FHIT: variants seen among roughly 807,000 people sequenced by gnomAD.
FHIT encodes fragile histidine triad diadenosine triphosphatase, also known as bis(5'-adenosyl)-triphosphatase.
Under a neutral mutation model 17.9 loss-of-function variants are expected in FHIT, and 19 were observed. The observed-to-expected ratio is 1.06, with a 90% CI of 0.74 to 1.56. The LOEUF is 1.56. FHIT is among the 40% of genes most tolerant of loss of function. FHIT has a pLI of 0.00. For missense variants in FHIT, 248 were observed against 189.2 expected, an observed-to-expected ratio of 1.31 and a Z score of -1.82; for synonymous variants, 81 against 69.7, an observed-to-expected ratio of 1.16 and a Z score of -0.81.
intron 5 of FHIT, among the ~76,000 whole-genome samples, chr3:60,444,664 G>A (rs1175173782): frequency 3.9e-5 from 6 of 152,006 alleles, no homozygotes; most frequent in Non-Finnish European, 7.4e-5. Context: ...CTGGACACAG[G>A]AAAGGGAACA....
chr3:60,192,484 T>C (rs1368168176), intron 5 of FHIT, among the ~76,000 whole-genome samples: 1 of 152,146 alleles, frequency 6.6e-6, no homozygotes, highest in Non-Finnish European at 1.5e-5. Flanking sequence ...GTTTCCGTTC[T>C]GTGACTCTAC....
chr3:61,029,876 T>C (rs142058572), intron 3 of FHIT, among the ~76,000 whole-genome samples: 38 of 152,342 alleles, frequency 2.5e-4, no homozygotes, highest in African/African-American at 9.1e-4. Context: ...AGAGCCTTGC[T>C]ATGAAAAGTG....
At chr3:61,207,445 G>C (rs1429114390) in intron 1 of FHIT, among the ~76,000 whole-genome samples, 1 of 152,128 alleles carries the variant, frequency 6.6e-6, no homozygotes, top group Non-Finnish European at 1.5e-5. Context: ...AATCCATCTG[G>C]TCCTGGACTT....
At chr3:60,488,784 T>G (rs2033946149) in intron 5 of FHIT, among the ~76,000 whole-genome samples, 2 of 152,162 alleles carry the variant, frequency 1.3e-5, no homozygotes, top group Non-Finnish European at 2.9e-5. Context: ...ACTTTCTCTA[T>G]CAAGTTCAAT....
chr3:60,387,138 C>A (rs2687171), intron 5 of FHIT, among the ~76,000 whole-genome samples: 1 of 151,228 alleles, frequency 6.6e-6, no homozygotes, highest in Non-Finnish European at 1.5e-5. Flanking sequence ...CAGGTGCCTG[C>A]CACCACACCT....
intron 1 of FHIT, among the ~76,000 whole-genome samples, chr3:61,235,314 C>T (rs972299234): frequency 6.6e-6 from 1 of 151,880 alleles, no homozygotes; most frequent in African/African-American, 2.4e-5. Context: ...TCAGTTTTCT[C>T]GTGTGTAAAA....
intron 5 of FHIT, among the ~76,000 whole-genome samples, chr3:60,156,736 G>T (rs945994530): frequency 2.6e-5 from 4 of 152,198 alleles, no homozygotes; most frequent in Non-Finnish European, 5.9e-5. Flanking sequence ...GGGCAATGGA[G>T]TGAGACCCTG....
intron 1 of FHIT, among the ~76,000 whole-genome samples, chr3:61,241,617 G>A (rs1321644256): frequency 6.6e-6 from 1 of 152,124 alleles, no homozygotes; most frequent in Admixed American, 6.6e-5. Flanking sequence ...ATCTATGATG[G>A]TTTCTAACTC....
intron 5 of FHIT, among the ~76,000 whole-genome samples, chr3:60,046,618 C>G (rs1432065466): frequency 1.3e-5 from 2 of 152,116 alleles, no homozygotes; most frequent in African/African-American, 4.8e-5. Flanking sequence ...GAAAGGACAC[C>G]TGAAAGAGAA....
chr3:60,123,999 T>TAG (rs1705396189), intron 5 of FHIT, among the ~76,000 whole-genome samples: 7 of 30,910 alleles, frequency 2.3e-4, no homozygotes, highest in South Asian at 1.4e-3. Context: ...TATATATATA[T>TAG]ATATATATAT....
chr3:61,051,746 G>A (rs561145214), intron 2 of FHIT, among the ~76,000 whole-genome samples: 4 of 152,216 alleles, frequency 2.6e-5, no homozygotes, highest in South Asian at 2.1e-4. Context: ...GGGGAGTCTC[G>A]TGCCCTTCTG....
intron 5 of FHIT, among the ~76,000 whole-genome samples, chr3:60,195,990 C>T (rs903826914): frequency 6.6e-6 from 1 of 152,102 alleles, no homozygotes; most frequent in Non-Finnish European, 1.5e-5. Flanking sequence ...CAATTCATCA[C>T]ATAACCAAAA....
chr3:60,000,836 C>A (rs1699703181), intron 7 of FHIT, among the ~76,000 whole-genome samples: 1 of 152,116 alleles, frequency 6.6e-6, no homozygotes, highest in African/African-American at 2.4e-5. Context: ...GTAACGGCTC[C>A]CCGCCCACTC....
At chr3:59,781,938 A>T (rs1702604481) in intron 8 of FHIT, among the ~76,000 whole-genome samples, 1 of 152,208 alleles carries the variant, frequency 6.6e-6, no homozygotes, top group Non-Finnish European at 1.5e-5. Flanking sequence ...CTTTGCTATC[A>T]TGACATATGC....
At chr3:60,488,381 C>T (rs1377977169) in intron 5 of FHIT, among the ~76,000 whole-genome samples, 1 of 152,172 alleles carries the variant, frequency 6.6e-6, no homozygotes, top group East Asian at 1.9e-4. Flanking sequence ...CTTAACAGGG[C>T]TTCAAGATAC....
At chr3:60,254,850 C>G (rs1705907068) in intron 5 of FHIT, among the ~76,000 whole-genome samples, 1 of 152,096 alleles carries the variant, frequency 6.6e-6, no homozygotes, top group African/African-American at 2.4e-5. Context: ...GGGGATTTTC[C>G]TAATGGGAAT....
intron 3 of FHIT, among the ~76,000 whole-genome samples, chr3:60,996,855 C>T (rs1418893859): frequency 6.6e-6 from 1 of 152,194 alleles, no homozygotes; most frequent in African/African-American, 2.4e-5. Context: ...TTGAAGAAAA[C>T]TTAATAAAAA....
intron 2 of FHIT, among the ~76,000 whole-genome samples, chr3:61,042,313 C>A (rs1422671661): frequency 2.0e-5 from 3 of 152,276 alleles, no homozygotes; most frequent in Middle Eastern, 3.4e-3. Flanking sequence ...AAGCATATAA[C>A]CTACCTGGGA....
intron 5 of FHIT, among the ~76,000 whole-genome samples, chr3:60,469,709 G>A (rs1025720996): frequency 6.6e-6 from 1 of 152,062 alleles, no homozygotes; most frequent in Non-Finnish European, 1.5e-5. Context: ...TGCTTTGGGT[G>A]TTTGTCAGTG....
Sources: gnomAD v4.1 joint callset for allele counts (sites outside exome capture counted in the v4.1 genomes callset) on GRCh38, gnomAD v4.1.1 for gene constraint, MANE v1.5 for transcripts, NCBI Gene and HGNC (gene_info 2026-07-23, HGNC 2026-07-21) for gene names.